The following NRG3 variants were observed in gnomAD, a reference collection of about 807,000 sequenced individuals.
The protein encoded by NRG3 is pro-neuregulin-3, membrane-bound isoform.
A neutral mutation model predicts 66.9 loss-of-function variants in NRG3; 31 were observed. The observed-to-expected ratio is 0.46, with a 90% CI of 0.35 to 0.63. NRG3 has a LOEUF of 0.63. Among genes scored for constraint, NRG3 ranks in the 20% least tolerant of loss-of-function variants. NRG3 has a pLI of 0.00. For synonymous variants in NRG3, 393 were observed against 359.4 expected (o/e 1.09, Z -1.06); for missense variants, 910 against 878.9 (o/e 1.04, Z -0.45).
chr10:82,004,799 T>C (rs1055196931), intron 1 of NRG3, among the ~76,000 whole-genome samples: 6 of 152,116 alleles, frequency 3.9e-5, no homozygotes, highest in Non-Finnish European at 8.8e-5. Context: ...AGAAAGACCA[T>C]GGGAAGACGC....
chr10:81,948,714 A>C (rs1849067235), intron 1 of NRG3, among the ~76,000 whole-genome samples: 1 of 152,210 alleles, frequency 6.6e-6, no homozygotes, highest in African/African-American at 2.4e-5. Flanking sequence ...CAGTTTTCTC[A>C]AAGTGTGAAG....
At chr10:82,405,901 G>C (rs773863054) in intron 2 of NRG3, among the ~76,000 whole-genome samples, 2 of 152,098 alleles carry the variant, frequency 1.3e-5, no homozygotes, top group Non-Finnish European at 1.5e-5. Context: ...GAATTGATTT[G>C]CTTGAATCAT....
intron 1 of NRG3, among the ~76,000 whole-genome samples, chr10:82,344,189 A>G (rs900420051): frequency 1.3e-5 from 2 of 148,992 alleles, no homozygotes; most frequent in Non-Finnish European, 2.9e-5. Context: ...CATTAGGTAT[A>G]TCTCCCAATG....
At chr10:82,209,652 T>C (rs1564666178) in intron 1 of NRG3, among the ~76,000 whole-genome samples, 1 of 152,194 alleles carries the variant, frequency 6.6e-6, no homozygotes, top group Non-Finnish European at 1.5e-5. Flanking sequence ...TTGGGTGCTT[T>C]CACAGTGTAA....
chr10:82,188,248 T>A (rs2073928046), intron 1 of NRG3, among the ~76,000 whole-genome samples: 1 of 152,072 alleles, frequency 6.6e-6, no homozygotes, highest in Non-Finnish European at 1.5e-5. Context: ...CTGGGCAAAT[T>A]GGATATATGC....
chr10:82,034,972 C>G (rs1476633777), intron 1 of NRG3, among the ~76,000 whole-genome samples: 1 of 152,016 alleles, frequency 6.6e-6, no homozygotes, highest in Admixed American at 6.6e-5. Flanking sequence ...CTCTAGAAAC[C>G]CAAGAAATTT....
At chr10:82,505,974 C>A (rs1046952035) in intron 2 of NRG3, among the ~76,000 whole-genome samples, 4 of 152,184 alleles carry the variant, frequency 2.6e-5, no homozygotes, top group Non-Finnish European at 5.9e-5. Context: ...AAGGGCCAGG[C>A]GCGTGGCTCA....
At chr10:81,936,822 T>A (rs1009004964) in intron 1 of NRG3, among the ~76,000 whole-genome samples, 1 of 152,046 alleles carries the variant, frequency 6.6e-6, no homozygotes, top group Non-Finnish European at 1.5e-5. Context: ...GGGGAAGCCA[T>A]GTGTAAATTG....
rs1177610984 is a variant in NRG3 at position 81,875,296 on chromosome 10, C to G, written c.-45C>G. The G allele has an allele frequency of 1.0e-6, 1 of 982,160 alleles. No individual in the cohort carries two copies. The highest frequency in any genetic ancestry group is 6.3e-5 in the Admixed American group (1 of 15,830). The allele number at this position is 982,160 out of a possible 1,614,324, so 60.8% of individuals were successfully genotyped here. A position where few individuals can be genotyped will look rare whatever the true frequency, so the allele number is the denominator to read the frequency against. On this transcript the variant is annotated 5_prime_UTR_variant, in exon 1 of 9. Transcript: ENST00000372141. This position sits in a 1 kb window ranked among gnomAD's most constrained non-coding sequence, Gnocchi z 5.3. Reference sequence around the variant, plus strand: ...GCCCGGCCCGCGCGGCCCCATGCCTCTGCCGCGGCCCTCGGGGGGGCGAAG... The same window carrying G: ...GCCCGGCCCGCGCGGCCCCATGCCTGTGCCGCGGCCCTCGGGGGGGCGAAG...
intron 1 of NRG3, among the ~76,000 whole-genome samples, chr10:82,113,997 C>G (rs574799691): frequency 6.6e-6 from 1 of 152,162 alleles, no homozygotes; most frequent in East Asian, 1.9e-4. Flanking sequence ...CTCCCTACTC[C>G]CCAGCTCTAG....
intron 2 of NRG3, among the ~76,000 whole-genome samples, chr10:82,578,433 G>A (rs1249630848): frequency 6.6e-6 from 1 of 150,980 alleles, no homozygotes; most frequent in Non-Finnish European, 1.5e-5. Context: ...TTGGCAATAA[G>A]TAAACAAATA....
intron 1 of NRG3, among the ~76,000 whole-genome samples, chr10:82,313,086 G>T (rs1036679351): frequency 8.5e-5 from 13 of 152,110 alleles, no homozygotes. Context: ...GCTGAGGTGG[G>T]ACGATTCCTT....
At chr10:82,317,460 C>T (rs1031608506) in intron 1 of NRG3, among the ~76,000 whole-genome samples, 3 of 152,098 alleles carry the variant, frequency 2.0e-5, no homozygotes, top group African/African-American at 7.2e-5. Flanking sequence ...ATTCTACATC[C>T]AGTCTTCAAG....
chr10:82,681,785 T>C (rs1189876881), intron 2 of NRG3, among the ~76,000 whole-genome samples: 2 of 152,226 alleles, frequency 1.3e-5, no homozygotes, highest in African/African-American at 4.8e-5. Context: ...CCTACAACAC[T>C]TCCTGCTCTG....
intron 5 of NRG3, among the ~76,000 whole-genome samples, chr10:82,952,283 A>T (rs537795681): frequency 1.3e-4 from 20 of 152,184 alleles, no homozygotes; most frequent in Admixed American, 1.2e-3. Flanking sequence ...AAATACAAAA[A>T]TTAGTTGGGC....
At chr10:82,493,583 A>G (rs748934933) in intron 2 of NRG3, among the ~76,000 whole-genome samples, 165 of 152,308 alleles carry the variant, frequency 1.1e-3, no homozygotes, top group Middle Eastern at 6.8e-3. Flanking sequence ...TAGTGCTGCA[A>G]TGAACATACA....
rs551223630 is a variant in NRG3 at position 82,476,892 on chromosome 10, G to A, written c.953+118024G>A. On this transcript the variant is annotated intron_variant, in intron 2 of 8. Transcript: ENST00000372141. ...TTATACTACAATAAAAAATAGTAAA[G>A]TTTTTTGAAAAGAATCAAAATAAGC... is the stretch of plus-strand genomic sequence containing the variant. Among the ~76,000 whole-genome samples, 44 of 152,130 alleles carry A rather than the reference G, an allele frequency of 2.9e-4. 2 individuals are homozygous for A. The South Asian group carries it at 7.9e-3, about 27-fold the overall frequency.
At chr10:82,371,758 G>A (rs1236877691) in intron 2 of NRG3, among the ~76,000 whole-genome samples, 1 of 152,196 alleles carries the variant, frequency 6.6e-6, no homozygotes, top group Non-Finnish European at 1.5e-5. Flanking sequence ...ACTCCTGGAG[G>A]AAGGTGAAGG....
intron 4 of NRG3, among the ~76,000 whole-genome samples, chr10:82,903,884 A>G (rs1175970584): frequency 6.6e-6 from 1 of 152,120 alleles, no homozygotes; most frequent in Non-Finnish European, 1.5e-5. Flanking sequence ...ACTGTACATT[A>G]CATATATATA....
Sources: gnomAD v4.1 joint callset for allele counts (sites outside exome capture counted in the v4.1 genomes callset) on GRCh38, gnomAD v4.1.1 for gene constraint, Gnocchi (gnomAD v3.1) non-coding constraint, MANE v1.5 for transcripts, NCBI Gene and HGNC (gene_info 2026-07-23, HGNC 2026-07-21) for gene names.